NOL4: variants seen among roughly 807,000 people sequenced by gnomAD.
The protein encoded by NOL4 is nucleolar protein 4.
In NOL4, 17 loss-of-function variants were observed where a neutral mutation model predicts 75.9. The ratio of observed to expected loss-of-function variants is 0.22; its 90% CI spans 0.15 to 0.34. The LOEUF is 0.34. Ranked by LOEUF, NOL4 falls within the 10% of genes least tolerant of loss-of-function variation. The pLI, the probability that NOL4 is intolerant of heterozygous loss-of-function variation, is 1.00. For missense variants in NOL4, 614 were observed against 793.5 expected (o/e 0.77, Z 2.72); for synonymous variants, 292 against 289.9 (o/e 1.01, Z -0.07).
chr18:33,940,320 A>C (rs2068380253), intron 9 of NOL4, among the ~76,000 whole-genome samples: 1 of 152,082 alleles, frequency 6.6e-6, no homozygotes, highest in Admixed American at 6.6e-5. Context: ...TCAATTATAG[A>C]CTGGATAAAG....
chr18:34,023,989 C>A (rs2144533641), intron 5 of NOL4, among the ~76,000 whole-genome samples: 1 of 151,604 alleles, frequency 6.6e-6, no homozygotes. Context: ...TCATATTCAA[C>A]AATTAGCTCT....
chr18:34,112,903 A>G (rs961980024), intron 2 of NOL4, among the ~76,000 whole-genome samples: 1 of 152,216 alleles, frequency 6.6e-6, no homozygotes, highest in Non-Finnish European at 1.5e-5. Flanking sequence ...TGGACATGCT[A>G]ATTAGCTTGA....
At chr18:34,018,097 A>G (rs1304076643) in intron 6 of NOL4, among the ~76,000 whole-genome samples, 1 of 152,196 alleles carries the variant, frequency 6.6e-6, no homozygotes, top group Admixed American at 6.6e-5. Context: ...TAATAGACAC[A>G]TAGCATAGAA....
chr18:33,973,818 T>G (rs77658166), intron 6 of NOL4, among the ~76,000 whole-genome samples: 1 of 152,214 alleles, frequency 6.6e-6, no homozygotes, highest in Admixed American at 6.5e-5. Context: ...TGTACACAGA[T>G]GGGCTGTCAT....
At chr18:34,023,920 C>A (rs149624031) in intron 5 of NOL4, among the ~76,000 whole-genome samples, 1 of 151,492 alleles carries the variant, frequency 6.6e-6, no homozygotes, top group African/African-American at 2.4e-5. Flanking sequence ...TAGTAGAGAC[C>A]CTAGAAATAC....
chr18:33,861,202 A>G (rs1365598579), intron 10 of NOL4, among the ~76,000 whole-genome samples: 1 of 152,174 alleles, frequency 6.6e-6, no homozygotes, highest in Non-Finnish European at 1.5e-5. Flanking sequence ...TAGTTTCAGA[A>G]GGAATGGTAC....
chr18:33,875,941 G>C (rs936561242), intron 10 of NOL4, among the ~76,000 whole-genome samples: 1 of 152,002 alleles, frequency 6.6e-6, no homozygotes, highest in Admixed American at 6.6e-5. Context: ...GCAGGGGAGT[G>C]ATCAATCTTC....
intron 2 of NOL4, among the ~76,000 whole-genome samples, chr18:34,120,920 G>T (rs914473828): frequency 1.3e-5 from 2 of 152,134 alleles, no homozygotes; most frequent in Non-Finnish European, 2.9e-5. Context: ...GCAGAAAATA[G>T]AAAGTGGTTT....
At chr18:34,016,497 C>T (rs539355746) in intron 6 of NOL4, among the ~76,000 whole-genome samples, 26 of 152,200 alleles carry the variant, frequency 1.7e-4, no homozygotes, top group African/African-American at 6.3e-4. Flanking sequence ...TCCCTTCACA[C>T]TTGTTCTCTG....
chr18:34,089,475 G>A (rs1332460698), intron 5 of NOL4, among the ~76,000 whole-genome samples: 1 of 152,168 alleles, frequency 6.6e-6, no homozygotes, highest in Admixed American at 6.6e-5. Flanking sequence ...GTCTGACACA[G>A]TAGCCACCGG....
intron 4 of NOL4, 104 bp from the exon 5 acceptor site, chr18:34,093,701 T>C: frequency 1.1e-6 from 1 of 876,022 alleles, no homozygotes. Context: ...AGTAAATTTT[T>C]ACAGAATTCA....
At chr18:34,202,471 A>G (rs1193083095) in intron 1 of NOL4, among the ~76,000 whole-genome samples, 1 of 151,898 alleles carries the variant, frequency 6.6e-6, no homozygotes, top group Non-Finnish European at 1.5e-5. Flanking sequence ...TACAGCTTCT[A>G]TTTTATGAAG....
chr18:34,125,349 A>T (rs940007193), intron 2 of NOL4, among the ~76,000 whole-genome samples: 2 of 152,216 alleles, frequency 1.3e-5, no homozygotes, highest in Non-Finnish European at 2.9e-5. Flanking sequence ...TATGTGAGTG[A>T]ATTGTGGCCT....
chr18:34,093,300 T>C (rs1363741905), intron 5 of NOL4, among the ~76,000 whole-genome samples, 165 bp downstream of exon 5: 1 of 152,152 alleles, frequency 6.6e-6, no homozygotes, highest in Non-Finnish European at 1.5e-5. Flanking sequence ...AATTAAAAAA[T>C]AGTGAAGTGG....
chr18:34,145,244 A>G (rs1459152096), intron 1 of NOL4, among the ~76,000 whole-genome samples: 1 of 152,136 alleles, frequency 6.6e-6, no homozygotes, highest in Non-Finnish European at 1.5e-5. Flanking sequence ...AGGTCAATAT[A>G]GCAATTTTAC....
chr18:34,183,081 C>T (rs1234085815), intron 1 of NOL4, among the ~76,000 whole-genome samples: 2 of 151,760 alleles, frequency 1.3e-5, no homozygotes, highest in African/African-American at 2.4e-5. Context: ...GAAACTTCTG[C>T]TCTGTGAAAC....
At chr18:34,131,188 T>G (rs1201652606) in intron 1 of NOL4, among the ~76,000 whole-genome samples, 2 of 151,984 alleles carry the variant, frequency 1.3e-5, no homozygotes, top group Non-Finnish European at 2.9e-5. Flanking sequence ...GTGATTAATC[T>G]GAGCAAAATC....
intron 9 of NOL4, among the ~76,000 whole-genome samples, chr18:33,894,030 G>A (rs1479062359): frequency 1.3e-5 from 2 of 152,076 alleles, no homozygotes; most frequent in Non-Finnish European, 2.9e-5. Flanking sequence ...TGAAGTTACT[G>A]CTCTAAATGT....
In NOL4 at chr18:34,191,403, A is replaced by G. The variant is rs189630264; in HGVS notation, c.264+31587T>C. On this transcript the variant is annotated intron_variant, in intron 1 of 10. Coordinates refer to ENST00000261592, the MANE Select transcript of NOL4 (RefSeq NM_003787.5). ...TTTACTATAATTAACATAATATCCA[A>G]CTTTAAAATTCTTACACATTTAATA... Among the ~76,000 whole-genome samples the G allele has an allele frequency of 3.5e-3, 533 of 152,216 alleles. 7 individuals are homozygous for G. The highest frequency in any genetic ancestry group is 0.012 in the African/African-American group (503 of 41,562).
Sources: allele counts gnomAD v4.1 joint callset (sites outside exome capture counted in the v4.1 genomes callset), GRCh38; gene constraint gnomAD v4.1.1; transcripts MANE v1.5; gene names NCBI Gene and HGNC (gene_info 2026-07-23, HGNC 2026-07-21).